PTPN9: variants seen among roughly 807,000 people sequenced by gnomAD.
The protein encoded by PTPN9 is protein tyrosine phosphatase non-receptor type 9, also known as tyrosine-protein phosphatase non-receptor type 9.
In PTPN9, 26 loss-of-function variants were observed where a neutral mutation model predicts 69.8. That is an observed-to-expected ratio of 0.37 (90% CI 0.27 to 0.52). The LOEUF (loss-of-function observed/expected upper bound fraction) is 0.52, where lower values mean the gene tolerates loss of function less well. PTPN9 is among the 20% of genes least tolerant of loss of function. The probability of loss-of-function intolerance (pLI) is 0.91; values close to 1 mark genes in which losing one functional copy is unlikely to be tolerated. For synonymous variants in PTPN9, 274 were observed against 272.5 expected, an observed-to-expected ratio of 1.01 and a Z score of -0.05; for missense variants, 549 against 740.3, an observed-to-expected ratio of 0.74 and a Z score of 3.00.
Position 75,467,383 on chromosome 15 carries a change from A to T in PTPN9, c.*1386T>A. The T allele has an allele frequency of 6.6e-6, 1 of 152,568 alleles. No individual in the cohort carries two copies. Among genetic ancestry groups the T allele is most frequent in the Non-Finnish European group, 1.5e-5 (1 of 68,028 alleles). The allele number at this position is 152,568 out of a possible 1,614,324, so 9.5% of individuals were successfully genotyped here. A position where few individuals can be genotyped will look rare whatever the true frequency, so the allele number is the denominator to read the frequency against. ...TTCCTGGGATTTTTTGGGAATGTGG[A>T]GTGCTGAGGACTCTTGATTTATCCC... is the stretch of plus-strand genomic sequence containing the variant. On this transcript the variant is annotated 3_prime_UTR_variant, in exon 13 of 13. Coordinates refer to ENST00000618819, the MANE Select transcript of PTPN9 (RefSeq NM_002833.4).
chr15:75,503,935 C>G (rs2074794527), intron 7 of PTPN9, among the ~76,000 whole-genome samples: 1 of 118,722 alleles, frequency 8.4e-6, no homozygotes, highest in Admixed American at 8.2e-5. Context: ...CCAGCCGCCC[C>G]GTCCGGGAGG....
intron 9 of PTPN9, among the ~76,000 whole-genome samples, chr15:75,477,693 C>T (rs1447169244): frequency 6.6e-6 from 1 of 152,038 alleles, no homozygotes; most frequent in Non-Finnish European, 1.5e-5. Flanking sequence ...ACAAGGACCT[C>T]CTCCTATAGA....
chr15:75,564,091 TTAA>T lies in PTPN9; in HGVS notation c.63+14620_63+14622del, dbSNP rs551660627. Among the ~76,000 whole-genome samples the T allele has an allele frequency of 1.1e-3, 171 of 151,996 alleles. 2 individuals carry two copies. In the South Asian group the frequency reaches 0.021, roughly 18 times the overall value. ...ATGTACATTATGTCTTTTTTTTTTT[TTAA>T]TAGAGATAAGGTCTCACTTTGTCAC... is the stretch of plus-strand genomic sequence containing the variant. On this transcript the variant is annotated intron_variant, in intron 1 of 12. Coordinates refer to ENST00000618819, the MANE Select transcript of PTPN9 (RefSeq NM_002833.4).
intron 11 of PTPN9, among the ~76,000 whole-genome samples, chr15:75,470,308 A>C (rs1362822340): frequency 1.3e-5 from 2 of 152,208 alleles, no homozygotes; most frequent in Non-Finnish European, 2.9e-5. Context: ...GGCTTGTGCC[A>C]CCATGCCCAG....
intron 1 of PTPN9, among the ~76,000 whole-genome samples, chr15:75,530,827 A>ATATATAATATATTATATATTATGATATAT (rs2074960053): frequency 1.1e-5 from 1 of 90,766 alleles, no homozygotes; most frequent in Non-Finnish European, 2.0e-5. Flanking sequence ...ATATAATATA[A>ATATATAATATATTATATATTATGATATAT]TATATATTAT....
At chr15:75,523,903 C>T (rs1442023299) in intron 3 of PTPN9, among the ~76,000 whole-genome samples, 1 of 151,830 alleles carries the variant, frequency 6.6e-6, no homozygotes, top group Non-Finnish European at 1.5e-5. Context: ...ACATCTGCTC[C>T]TAACTGTGGA....
Position 75,527,250 on chromosome 15 carries a change from C to G in PTPN9, c.75G>C (p.Gln25His). ...TCCACTTGTTAATCTCTTCGAGAAA[C>G]TGCTTGGTAGCCTGTTTGACAAAGA... is the stretch of plus-strand genomic sequence containing the variant. ...LTPEEEQATKQFLEEINKWTV... is the reference protein window; with the variant it reads ...LTPEEEQATKHFLEEINKWTV... The change falls in exon 2 of 13, where the codon CAG becomes CAC. Residue 25 changes from glutamine to histidine, a missense_variant. Around this residue, in one of 3 missense-constraint regions of PTPN9, gnomAD observed 62 missense variants for 53.6 expected, o/e 1.16. Transcript: ENST00000618819. The G allele has an allele frequency of 6.2e-7, 1 of 1,614,056 alleles. No homozygotes were observed. Among genetic ancestry groups the G allele is most frequent in the Non-Finnish European group, 8.5e-7 (1 of 1,179,980 alleles).
chr15:75,478,732 T>C (rs2074611114), intron 9 of PTPN9, among the ~76,000 whole-genome samples: 1 of 152,240 alleles, frequency 6.6e-6, no homozygotes, highest in African/African-American at 2.4e-5. Context: ...CAATACACAA[T>C]GCAGGTGATA....
chr15:75,564,435 A>G (rs1358024021), intron 1 of PTPN9, among the ~76,000 whole-genome samples: 1 of 151,888 alleles, frequency 6.6e-6, no homozygotes, highest in East Asian at 1.9e-4. Flanking sequence ...TCTACTAAAA[A>G]TACAAAAAAA....
chr15:75,534,846 G>A (rs76107647), intron 1 of PTPN9, among the ~76,000 whole-genome samples: 6,389 of 151,940 alleles, frequency 0.042, 192 homozygotes, highest in Middle Eastern at 0.16. Flanking sequence ...GCTGGCTTGC[G>A]CCTGTAATCC....
intron 5 of PTPN9, among the ~76,000 whole-genome samples, chr15:75,515,105 G>T (rs1196274425): frequency 6.6e-6 from 1 of 152,124 alleles, no homozygotes; most frequent in Non-Finnish European, 1.5e-5. Context: ...AAATTAGTAG[G>T]AGAGCAGGGT....
chr15:75,525,484 G>A (rs770237153), intron 2 of PTPN9, among the ~76,000 whole-genome samples: 162 of 150,922 alleles, frequency 1.1e-3, no homozygotes, highest in Non-Finnish European at 1.8e-3. Context: ...ATGAGCCACC[G>A]CGCCCAGCCT....
At chr15:75,542,068 T>A (rs1005741373) in intron 1 of PTPN9, among the ~76,000 whole-genome samples, 5 of 141,022 alleles carry the variant, frequency 3.5e-5, no homozygotes, top group Non-Finnish European at 7.5e-5. Context: ...AAATAAAATA[T>A]AAATCATTAA....
intron 10 of PTPN9, among the ~76,000 whole-genome samples, chr15:75,472,033 T>G (rs1240251775): frequency 1.3e-5 from 2 of 152,156 alleles, no homozygotes; most frequent in Non-Finnish European, 2.9e-5. Context: ...CCTCTCCAAA[T>G]AAGTGGTGGT....
chr15:75,525,003 G>A (rs568823790), intron 2 of PTPN9, among the ~76,000 whole-genome samples: 1 of 151,864 alleles, frequency 6.6e-6, no homozygotes, highest in Admixed American at 6.6e-5. Flanking sequence ...CAGGATCAAG[G>A]TTCTTAAACA....
At chr15:75,544,325 G>T (rs1164720910) in intron 1 of PTPN9, among the ~76,000 whole-genome samples, 1 of 152,094 alleles carries the variant, frequency 6.6e-6, no homozygotes, top group African/African-American at 2.4e-5. Context: ...TTGAGCCCAG[G>T]AATTTGAAAC....
chr15:75,492,053 T>G (rs2074713976), intron 7 of PTPN9, among the ~76,000 whole-genome samples: 1 of 152,108 alleles, frequency 6.6e-6, no homozygotes. Context: ...TTAAATTTTT[T>G]GTAGAGAAAG....
chr15:75,484,817 A>G (rs773482303), intron 8 of PTPN9, among the ~76,000 whole-genome samples: 13 of 152,196 alleles, frequency 8.5e-5, no homozygotes, highest in African/African-American at 1.4e-4. Flanking sequence ...TGTGGGTCCT[A>G]TCACTGGGTG....
At chr15:75,526,780 T>C (rs926085669) in intron 2 of PTPN9, among the ~76,000 whole-genome samples, 1 of 152,078 alleles carries the variant, frequency 6.6e-6, no homozygotes, top group African/African-American at 2.4e-5. Context: ...AAAACCAAGA[T>C]TTTCATGTGG....
Sources: allele counts gnomAD v4.1 joint callset (sites outside exome capture counted in the v4.1 genomes callset), GRCh38; gene constraint gnomAD v4.1.1; regional missense constraint gnomAD v4.1.1; transcripts MANE v1.5; gene names NCBI Gene and HGNC (gene_info 2026-07-23, HGNC 2026-07-21).